Variants in FGF13 observed in about 807,000 individuals in gnomAD.
The protein encoded by FGF13 is fibroblast growth factor 13.
Under a neutral mutation model 19.5 loss-of-function variants are expected in FGF13, and 2 were observed. The ratio of observed to expected loss-of-function variants is 0.10; its 90% confidence interval spans 0.04 to 0.32. The LOEUF is 0.32. Among genes scored for constraint, FGF13 ranks in the 10% least tolerant of loss-of-function variants. The pLI, the probability that FGF13 is intolerant of heterozygous loss-of-function variation, is 1.00. For synonymous variants in FGF13, 72 were observed against 76.9 expected (o/e 0.94, Z 0.33); for missense variants, 113 against 192.7 (o/e 0.59, Z 2.45).
intron 1 of FGF13, among the ~76,000 whole-genome samples, chrX:139,011,624 G>A (rs1306790774): frequency 9.0e-6 from 1 of 111,455 alleles, no homozygotes; most frequent in Admixed American, 9.5e-5. Context: ...AAAAGCATTT[G>A]ACAAAACCCA....
intron 1 of FGF13, among the ~76,000 whole-genome samples, chrX:139,084,591 C>A (rs1681348170): frequency 8.9e-6 from 1 of 111,885 alleles, no homozygotes; most frequent in Admixed American, 9.5e-5. Flanking sequence ...AGCAGATGTC[C>A]TTGAAAACAG....
At chrX:138,737,982 C>T (rs2090291741) in intron 1 of FGF13, among the ~76,000 whole-genome samples, 1 of 112,228 alleles carries the variant, frequency 8.9e-6, no homozygotes, top group Non-Finnish European at 1.9e-5. Flanking sequence ...CCTTGATGTA[C>T]TAATCTTTCA....
chrX:138,825,560 T>C (rs1277218169), intron 3 of FGF13, among the ~76,000 whole-genome samples: 2 of 111,273 alleles, frequency 1.8e-5, no homozygotes, highest in African/African-American at 6.5e-5. Flanking sequence ...TGAACTGCTA[T>C]AGTTAAGAAC....
chrX:139,194,476 G>T (rs755861385), intron 1 of FGF13, among the ~76,000 whole-genome samples: 6 of 112,253 alleles, frequency 5.3e-5, no homozygotes, highest in Non-Finnish European at 1.1e-4. Flanking sequence ...GCCTGTGAGC[G>T]TCCTGCTCAA....
At chrX:139,025,977 G>C (rs2092199174) in intron 1 of FGF13, among the ~76,000 whole-genome samples, 1 of 110,705 alleles carries the variant, frequency 9.0e-6, no homozygotes, top group Non-Finnish European at 1.9e-5. Flanking sequence ...GCAAATTCCT[G>C]GTTCTATTTG....
chrX:138,810,534 G>A (rs753551822), intron 3 of FGF13, among the ~76,000 whole-genome samples: 109 of 111,848 alleles, frequency 9.7e-4, no homozygotes, highest in African/African-American at 3.3e-3. Context: ...ATAGGGATGC[G>A]CAAAGACTTC....
intron 1 of FGF13, among the ~76,000 whole-genome samples, chrX:138,962,152 AAAAC>A (rs1439187925): frequency 8.9e-6 from 1 of 112,396 alleles, no homozygotes; most frequent in African/African-American, 3.2e-5. Flanking sequence ...TTACAAGAAT[AAAAC>A]AAACAACCCC....
At chrX:139,150,725 G>C (rs1318840387) in intron 1 of FGF13, among the ~76,000 whole-genome samples, 1 of 111,797 alleles carries the variant, frequency 8.9e-6, no homozygotes, top group Non-Finnish European at 1.9e-5. Context: ...TGCCTGCACA[G>C]AGCTGATAGA....
chrX:139,165,297 A>T (rs1460928968), intron 1 of FGF13, among the ~76,000 whole-genome samples: 1 of 112,184 alleles, frequency 8.9e-6, no homozygotes, highest in Admixed American at 9.5e-5. Flanking sequence ...TTTTAACCAC[A>T]TAAAGTGAGA....
chrX:138,770,618 T>C (rs2090538255), intron 3 of FGF13, among the ~76,000 whole-genome samples: 1 of 111,758 alleles, frequency 8.9e-6, no homozygotes, highest in Non-Finnish European at 1.9e-5. Context: ...CGTTTTTAAA[T>C]GATTTCTTTG....
At chrX:138,880,773 G>A (rs961058461) in intron 1 of FGF13, among the ~76,000 whole-genome samples, 12 of 111,831 alleles carry the variant, frequency 1.1e-4, no homozygotes, top group Middle Eastern at 4.7e-3. Context: ...TCAATTCTAC[G>A]CTATTAGTCT....
At chrX:138,638,481 C>T (rs1188718807) in intron 3 of FGF13, among the ~76,000 whole-genome samples, 1 of 111,723 alleles carries the variant, frequency 9.0e-6, no homozygotes, top group African/African-American at 3.3e-5. Context: ...CACCTGTTAT[C>T]TGTGCTCCCA....
intron 3 of FGF13, among the ~76,000 whole-genome samples, chrX:138,673,925 GTA>G (rs2089639534): frequency 9.0e-6 from 1 of 111,314 alleles, no homozygotes; most frequent in South Asian, 3.8e-4. Flanking sequence ...GGTGGTGGAG[GTA>G]TGAGGCCATT....
At chrX:138,648,252 C>T (rs1181174393) in intron 3 of FGF13, among the ~76,000 whole-genome samples, 1 of 111,625 alleles carries the variant, frequency 9.0e-6, no homozygotes, top group Non-Finnish European at 1.9e-5. Flanking sequence ...CTTATCATTG[C>T]ACTTTTATAC....
chrX:138,952,701 A>G (rs1401221180), intron 1 of FGF13, among the ~76,000 whole-genome samples: 11 of 112,019 alleles, frequency 9.8e-5, no homozygotes, highest in Non-Finnish European at 2.1e-4. Flanking sequence ...TAATATCCAG[A>G]ATCTACATTG....
At chrX:138,705,068 A>G (rs754691116) in intron 2 of FGF13, among the ~76,000 whole-genome samples, 1 of 112,119 alleles carries the variant, frequency 8.9e-6, no homozygotes, top group African/African-American at 3.2e-5. Flanking sequence ...TCTGAGATCT[A>G]AAAAACTAAA....
intron 3 of FGF13, among the ~76,000 whole-genome samples, chrX:138,644,626 C>A (rs771946412): frequency 6.4e-4 from 71 of 111,636 alleles, no homozygotes; most frequent in African/African-American, 2.2e-3. Context: ...GATAGCAGCT[C>A]TGTTACATTT....
At chrX:138,958,273 A>G (rs2091851149) in intron 1 of FGF13, among the ~76,000 whole-genome samples, 1 of 111,730 alleles carries the variant, frequency 9.0e-6, no homozygotes, top group South Asian at 3.8e-4. Context: ...TTCTGCATCG[A>G]TTGAGATAAT....
intron 1 of FGF13, among the ~76,000 whole-genome samples, chrX:139,193,710 C>T (rs935806033): frequency 1.8e-5 from 2 of 110,996 alleles, no homozygotes; most frequent in African/African-American, 6.5e-5. Flanking sequence ...AGTTTGAAGA[C>T]AATCAATAAG....
Sources: gnomAD v4.1 joint callset for allele counts (sites outside exome capture counted in the v4.1 genomes callset) on GRCh38, gnomAD v4.1.1 for gene constraint, MANE v1.5 for transcripts, NCBI Gene and HGNC (gene_info 2026-07-23, HGNC 2026-07-21) for gene names.